Variants in RSRP1 observed in about 807,000 individuals in gnomAD.
RSRP1 encodes arginine/serine-rich protein 1.
RSRP1 carries 37 observed loss-of-function variants against 33.0 expected under a neutral mutation model. The ratio of observed to expected loss-of-function variants is 1.12; its 90% CI spans 0.86 to 1.48. The LOEUF is 1.48. Ranked by LOEUF, RSRP1 falls within the 40% of genes most tolerant of loss-of-function variation. The pLI is 0.00. For synonymous variants in RSRP1, 167 were observed against 158.7 expected (o/e 1.05, Z -0.40); for missense variants, 402 against 385.3 (o/e 1.04, Z -0.36).
Position 25,245,981 on chromosome 1 carries a change from A to G in RSRP1, c.520+463T>C, listed in dbSNP as rs545748320. 4.0e-4 allele frequency: 65 copies of G among 160,612 alleles called. 2 individuals carry two copies. The highest frequency in any genetic ancestry group is 2.4e-3 in the Admixed American group (41 of 16,760). The allele number at this position is 160,612 out of a possible 1,614,324, so 9.9% of individuals were successfully genotyped here. On this transcript the variant is annotated intron_variant, in intron 2 of 4. Transcript: ENST00000243189. ...GGCTGGTATGGAACGCCTGGCCTCA[A>G]GTGACCCACCCGCCTCCGCCTCCGC...
At position 25,290,764 on chromosome 1, in the gene RSRP1, G is replaced by A. The variant is rs1642431374; in HGVS notation, c.-66-43735C>T. On this transcript the variant is annotated intron_variant, in intron 1 of 1. Coordinates refer to the RSRP1 transcript ENST00000561867. ...TGGAGGTGACAGCTTTAGGCAACCT[G>A]AGGATGGTCATCAGTAATATCTTCA... The A allele has an allele frequency of 2.2e-6, 3 of 1,377,288 alleles. 1 individual carries two copies. Among genetic ancestry groups the A allele is most frequent in the East Asian group, 2.2e-5 (1 of 44,644 alleles). 85.3% of individuals were successfully genotyped at this position (1,377,288 alleles called of 1,614,324 possible). A position where few individuals can be genotyped will look rare whatever the true frequency, so the allele number is the denominator to read the frequency against.
At chr1:25,244,333 A>C in intron 3 of RSRP1, 1 of 1,288,272 alleles carries the variant, frequency 7.8e-7, no homozygotes, top group South Asian at 1.2e-5. Flanking sequence ...ACTTTATGCA[A>C]ATAGTGCCTG....
At position 25,303,198 on chromosome 1, in the gene RSRP1, T is replaced by G. The variant is rs774418411; in HGVS notation, c.-67+34780A>C. On this transcript the variant is annotated intron_variant, in intron 1 of 1. Coordinates refer to the RSRP1 transcript ENST00000561867. ...GCCCCAACACAGGGGAGAAGTGGTT[T>G]CAGGATCAGCAAAGCAGGGAGGATG... 2.1e-5 allele frequency: 21 copies of G among 1,019,218 alleles called. 7 individuals carry two copies. Among genetic ancestry groups the G allele is most frequent in the Middle Eastern group, 2.9e-4 (1 of 3,408 alleles). 63.1% of individuals were successfully genotyped at this position (1,019,218 alleles called of 1,614,324 possible). A position where few individuals can be genotyped will look rare whatever the true frequency, so the allele number is the denominator to read the frequency against.
rs1432674757 is a variant in RSRP1 at position 25,333,560 on chromosome 1, C to G, written c.-67+4418G>C. On this transcript the variant is annotated intron_variant, in intron 1 of 1. Coordinates refer to the RSRP1 transcript ENST00000561867. Reference sequence around the variant, plus strand: ...GGCCAGGGAGAGACGGATAAGTGATCTAACTCCTGAGGAGGTGGCCTGGCC... The same window carrying G: ...GGCCAGGGAGAGACGGATAAGTGATGTAACTCCTGAGGAGGTGGCCTGGCC... Among the ~76,000 whole-genome samples, 54 of 130,056 alleles carry G rather than the reference C, an allele frequency of 4.2e-4. 9 individuals are homozygous for G. Among genetic ancestry groups the G allele is most frequent in the African/African-American group, 1.4e-3 (53 of 37,406 alleles). 85.3% of individuals were successfully genotyped at this position (130,056 alleles called of 152,430 possible). A position where few individuals can be genotyped will look rare whatever the true frequency, so the allele number is the denominator to read the frequency against.
intron 1 of RSRP1, among the ~76,000 whole-genome samples, chr1:25,256,147 CTT>C (rs58871827): frequency 5.8e-4 from 77 of 132,856 alleles, no homozygotes; most frequent in Admixed American, 7.6e-4. Flanking sequence ...CTATCCGGAT[CTT>C]TTTTTTTTTT....
chr1:25,321,547 A>G (rs1466123282), intron 1 of RSRP1, among the ~76,000 whole-genome samples: 1 of 122,444 alleles, frequency 8.2e-6, no homozygotes, highest in Admixed American at 8.1e-5. Context: ...GCAGGCGCCT[A>G]TAATCTCAGC....
chr1:25,282,027 C>T (rs1179094369), intron 1 of RSRP1, among the ~76,000 whole-genome samples: 1 of 132,088 alleles, frequency 7.6e-6, no homozygotes, highest in Non-Finnish European at 1.8e-5. Context: ...GTTCCTATTG[C>T]TGTGATTGTC....
rs754489706 is a variant in RSRP1, at chr1:25,246,723, A to T, written c.241T>A (p.Tyr81Asn). The change falls in exon 2 of 5, where the codon TAC (tyrosine) becomes AAC (asparagine). Residue 81 changes from tyrosine (Y) to asparagine (N), a missense_variant. By Grantham distance (143) the Tyr-to-Asn change is moderately radical. Coordinates refer to ENST00000243189, the MANE Select transcript of RSRP1 (RefSeq NM_020317.5). Reference sequence around the variant, plus strand: ...CGGGATCGCGACCGGCTCCGCGAGTATGACCGCGAGTAGCGCCTGTACTTC... The same window carrying T: ...CGGGATCGCGACCGGCTCCGCGAGTTTGACCGCGAGTAGCGCCTGTACTTC... Reference protein sequence around the residue: ...QRKYRRYSRSYSRSRSRSRSR... With the variant: ...QRKYRRYSRSNSRSRSRSRSR... 2.5e-6 allele frequency: 4 copies of T among 1,607,584 alleles called. No individual in the cohort carries two copies. In the South Asian group the frequency reaches 4.4e-5, roughly 18 times the overall value.
Position 25,287,696 on chromosome 1 carries a change from G to A in RSRP1, c.-66-40667C>T, listed in dbSNP as rs184859715. On this transcript the variant is annotated intron_variant, in intron 1 of 1. Coordinates refer to the RSRP1 transcript ENST00000561867. The stretch of plus-strand genomic sequence containing the variant: ...TATTGGAGCAAAAATGAAAATAAAC[G>A]GAACTCTGAAGTGGGATGTTTTAAA... 1.0e-4 allele frequency among the ~76,000 whole-genome samples: 14 copies of A among 135,594 alleles called. 2 individuals are homozygous for A. Among genetic ancestry groups the A allele is most frequent in the East Asian group, 7.7e-4 (4 of 5,168 alleles). 89.0% of individuals were successfully genotyped at this position (135,594 alleles called of 152,430 possible).
chr1:25,283,539 A>G (rs564274044), intron 1 of RSRP1, among the ~76,000 whole-genome samples: 1 of 131,056 alleles, frequency 7.6e-6, no homozygotes, highest in African/African-American at 2.6e-5. Flanking sequence ...CGATATTAAA[A>G]AAAAAAATCT....
chr1:25,254,031 G>A (rs1279576782), intron 1 of RSRP1: 4 of 152,214 alleles, frequency 2.6e-5, no homozygotes, highest in Non-Finnish European at 5.9e-5. Context: ...AGACATCTCC[G>A]TTGTTAGGGC....
chr1:25,301,521 C>A (rs1012525481), intron 1 of RSRP1: 2 of 1,378,046 alleles, frequency 1.5e-6, no homozygotes, highest in South Asian at 1.2e-5. Context: ...GGCCCCCAGG[C>A]GCCCTCTTCT....
intron 1 of RSRP1, among the ~76,000 whole-genome samples, chr1:25,292,956 A>G (rs1642638948): frequency 8.1e-6 from 1 of 123,816 alleles, no homozygotes; most frequent in Admixed American, 8.0e-5. Flanking sequence ...GGAGAGCGTG[A>G]GGTCCTGGAA....
intron 1 of RSRP1, among the ~76,000 whole-genome samples, chr1:25,319,438 C>G (rs1386088121): frequency 7.6e-6 from 1 of 131,520 alleles, no homozygotes; most frequent in Non-Finnish European, 1.8e-5. Flanking sequence ...TAGTGAGACC[C>G]CATCTCTACA....
Position 25,266,887 on chromosome 1 carries a change from C to T in RSRP1, c.-66-19858G>A, listed in dbSNP as rs1344812821. 2 of 121,412 alleles carry T rather than the reference C, an allele frequency of 1.6e-5. 1 individual carries two copies. Among genetic ancestry groups the T allele is most frequent in the Non-Finnish European group, 3.7e-5 (2 of 53,514 alleles). The allele number at this position is 121,412 out of a possible 1,614,324, so 7.5% of individuals were successfully genotyped here. On this transcript the variant is annotated intron_variant, in intron 1 of 1. Transcript: ENST00000561867. ...CCCCCGAGAGTGACCAGCTACCGGA[C>T]AGGCACCAAGGAGGGCTACCGAGCA...
intron 1 of RSRP1, among the ~76,000 whole-genome samples, chr1:25,257,096 C>T (rs1344693975): frequency 3.9e-5 from 6 of 152,126 alleles, no homozygotes; most frequent in Non-Finnish European, 7.3e-5. Flanking sequence ...ACAGCTAGGT[C>T]GAAGGAGCTG....
rs1035934501 is a variant in RSRP1, at chr1:25,258,927, A to C, written c.-66-11898T>G. On this transcript the variant is annotated intron_variant, in intron 1 of 1. Coordinates refer to the RSRP1 transcript ENST00000561867. ...CTGGAGTCAGAGAAAATGGAGTTGA[A>C]TCCTTTCTCTGCCACTCTTTGAGGA... is the stretch of plus-strand genomic sequence containing the variant. Among the ~76,000 whole-genome samples, 3 of 152,186 alleles carry C rather than the reference A, an allele frequency of 2.0e-5. No homozygotes were observed. In the East Asian group the frequency reaches 5.8e-4, roughly 29 times the overall value.
chr1:25,307,580 C>T, intron 1 of RSRP1: 1 of 704,734 alleles, frequency 1.4e-6, no homozygotes, highest in East Asian at 2.6e-5. Flanking sequence ...CTTGAATTCT[C>T]ACAACCGCCT....
chr1:25,245,347 G>C (rs758634280), intron 2 of RSRP1, 46 bp from the exon 3 acceptor site: 40 of 1,558,128 alleles, frequency 2.6e-5, no homozygotes, highest in Admixed American at 3.5e-5. Context: ...TAATCTGGTA[G>C]TTATTTCCCA....
Sources: gnomAD v4.1 joint callset for allele counts (sites outside exome capture counted in the v4.1 genomes callset) on GRCh38, gnomAD v4.1.1 for gene constraint, MANE v1.5 for transcripts, NCBI Gene and HGNC (gene_info 2026-07-23, HGNC 2026-07-21) for gene names.